Variants in CRACDL observed in about 807,000 individuals in gnomAD.
CRACDL encodes CRACD-like protein.
CRACDL carries 26 observed loss-of-function variants against 70.6 expected under a neutral mutation model. The ratio of observed to expected loss-of-function variants is 0.37; its 90% CI spans 0.27 to 0.51. CRACDL has a LOEUF of 0.51. Ranked by LOEUF, CRACDL falls within the 20% of genes least tolerant of loss-of-function variation. The probability of loss-of-function intolerance (pLI) is 0.94; values close to 1 mark genes in which losing one functional copy is unlikely to be tolerated. For missense variants in CRACDL, 1,283 were observed against 1,376.9 expected (o/e 0.93, Z 1.08); for synonymous variants, 618 against 615.2 (o/e 1.00, Z -0.07).
intron 7 of CRACDL, among the ~76,000 whole-genome samples, chr2:98,804,398 C>A (rs1704204158): frequency 6.6e-6 from 1 of 152,228 alleles, no homozygotes; most frequent in Non-Finnish European, 1.5e-5. Context: ...ATCCCAAAAT[C>A]AATATGCATG....
intron 1 of CRACDL, among the ~76,000 whole-genome samples, chr2:98,909,867 G>C (rs1173496606): frequency 5.9e-5 from 9 of 152,238 alleles, no homozygotes; most frequent in Non-Finnish European, 4.4e-5. Flanking sequence ...GGCCAGCAGA[G>C]TAGCTACGGA....
At chr2:98,868,356 T>C (rs1707224815) in intron 1 of CRACDL, among the ~76,000 whole-genome samples, 1 of 139,144 alleles carries the variant, frequency 7.2e-6, no homozygotes, top group Non-Finnish European at 1.6e-5. Context: ...GATATAACCA[T>C]CACCTGTACT....
intron 9 of CRACDL, among the ~76,000 whole-genome samples, chr2:98,795,040 A>AATATATAAAAATTTTTATAT (rs1329934418): frequency 3.6e-5 from 1 of 27,718 alleles, no homozygotes; most frequent in Non-Finnish European, 5.8e-5. Context: ...CATAATTAAA[A>AATATATAAAAATTTTTATAT]ATATATATAT....
chr2:98,817,360 T>A (rs1704826178), intron 7 of CRACDL, among the ~76,000 whole-genome samples: 1 of 152,198 alleles, frequency 6.6e-6, no homozygotes, highest in Non-Finnish European at 1.5e-5. Flanking sequence ...TGTTATGTGT[T>A]CATATCACAA....
intron 7 of CRACDL, among the ~76,000 whole-genome samples, chr2:98,818,288 G>A (rs1704873715): frequency 6.6e-6 from 1 of 152,210 alleles, no homozygotes; most frequent in Admixed American, 6.5e-5. Context: ...GTGAGGCTCA[G>A]CCCCTTTGGC....
At chr2:98,861,336 G>T (rs779336593) in intron 1 of CRACDL, among the ~76,000 whole-genome samples, 3 of 152,040 alleles carry the variant, frequency 2.0e-5, no homozygotes, top group Non-Finnish European at 2.9e-5. Context: ...GACAGAGCAG[G>T]TCTCAAAAAC....
chr2:98,843,184 T>C (rs72811087), intron 2 of CRACDL, among the ~76,000 whole-genome samples: 3 of 152,308 alleles, frequency 2.0e-5, no homozygotes, highest in Non-Finnish European at 4.4e-5. Flanking sequence ...TCTTTGCCAT[T>C]TTGTACATCT....
chr2:98,796,852 A>C (rs1703844304), intron 8 of CRACDL, among the ~76,000 whole-genome samples: 1 of 152,188 alleles, frequency 6.6e-6, no homozygotes, highest in Non-Finnish European at 1.5e-5. Flanking sequence ...TTCAGAGTAC[A>C]AAATGGAACC....
rs1381160418 is a variant in CRACDL at position 98,826,706 on chromosome 2, A to G, written c.735+269T>C. Among the ~76,000 whole-genome samples, 3 of 152,176 alleles carry G rather than the reference A, an allele frequency of 2.0e-5. 1 individual carries two copies. On this transcript the variant is annotated intron_variant, in intron 6 of 9. Coordinates refer to ENST00000397899, the MANE Select transcript of CRACDL (RefSeq NM_207362.3). ...GGACTTTCCTCTGAGTGCAGGGGGAAGGCAACCAGTATTCAGTAGTGAGTG... is the reference window on the plus strand; with the variant it reads ...GGACTTTCCTCTGAGTGCAGGGGGAGGGCAACCAGTATTCAGTAGTGAGTG...
chr2:98,837,986 C>T (rs919695960), intron 3 of CRACDL, 133 bp downstream of exon 3: 6 of 712,262 alleles, frequency 8.4e-6, no homozygotes, highest in Non-Finnish European at 1.3e-5. Flanking sequence ...AGACAGAAAA[C>T]ACAACTTCTA....
chr2:98,822,367 C>T lies in CRACDL; in HGVS notation c.1906G>A (p.Gly636Ser). 1.4e-6 allele frequency: 2 copies of T among 1,470,460 alleles called. No individual in the cohort carries two copies. The highest frequency in any genetic ancestry group is 8.9e-7 in the Non-Finnish European group (1 of 1,120,246). 91.1% of individuals were successfully genotyped at this position (1,470,460 alleles called of 1,614,324 possible). The change falls in exon 7 of 10, where the codon GGC (glycine) becomes AGC (serine). Residue 636 changes from glycine (G) to serine (S), a missense_variant. Gly to Ser is a moderately conservative substitution (Grantham distance 56). This residue lies in a region of CRACDL where 921 missense variants were observed against 881.9 expected (regional missense o/e 1.04). Coordinates refer to ENST00000397899, the MANE Select transcript of CRACDL (RefSeq NM_207362.3). The surrounding 1 kb of genome is among the most constrained non-coding windows in gnomAD (Gnocchi z 4.9). ...GCCCTGTCCCCCGAGTCCTGAGGGC[C>T]GCGCTCCGCCAGCTTCCGAGGGCCA... ...KPGPRKLAER[G>S]PQDSGDRAAS...
rs1237875349 is a variant in CRACDL, at chr2:98,881,869, G to C, written c.-10-35059C>G. Among the ~76,000 whole-genome samples the C allele has an allele frequency of 2.0e-5, 3 of 152,276 alleles. No individual in the cohort carries two copies. In the East Asian group the frequency reaches 5.8e-4, roughly 29 times the overall value. On this transcript the variant is annotated intron_variant, in intron 1 of 9. Transcript: ENST00000397899. ...TCTGAGAGGTGCCTCTTCCAACACA[G>C]GCTTAAGGCAGCCCAGGAAGACCCA...
At chr2:98,802,029 C>G (rs1474563079) in intron 7 of CRACDL, among the ~76,000 whole-genome samples, 1 of 152,254 alleles carries the variant, frequency 6.6e-6, no homozygotes, top group East Asian at 1.9e-4. Context: ...GCACCCCAGC[C>G]TCTTGCAGGG....
At chr2:98,816,023 G>A (rs1704769745) in intron 7 of CRACDL, among the ~76,000 whole-genome samples, 1 of 152,168 alleles carries the variant, frequency 6.6e-6, no homozygotes, top group Admixed American at 6.5e-5. Flanking sequence ...TGTCCAACAA[G>A]CTCTGTCCCA....
intron 1 of CRACDL, among the ~76,000 whole-genome samples, chr2:98,918,395 T>C (rs1427331389): frequency 2.6e-5 from 4 of 151,894 alleles, no homozygotes; most frequent in Non-Finnish European, 5.9e-5. Context: ...TAGCCAGACA[T>C]GGTGGTACAT....
At chr2:98,811,645 A>G (rs987925274) in intron 7 of CRACDL, among the ~76,000 whole-genome samples, 1 of 152,176 alleles carries the variant, frequency 6.6e-6, no homozygotes, top group African/African-American at 2.4e-5. Flanking sequence ...AACAGGATAC[A>G]GAATATCAAC....
chr2:98,918,734 T>C (rs1708729367), intron 1 of CRACDL, among the ~76,000 whole-genome samples: 1 of 152,160 alleles, frequency 6.6e-6, no homozygotes, highest in African/African-American at 2.4e-5. Flanking sequence ...TCGTGTGTCT[T>C]CTTTTGAAAA....
intron 1 of CRACDL, among the ~76,000 whole-genome samples, chr2:98,851,384 T>C (rs1040560561): frequency 5.3e-5 from 8 of 152,200 alleles, no homozygotes; most frequent in African/African-American, 1.9e-4. Flanking sequence ...TCTTTGAATA[T>C]CAATTCATTT....
chr2:98,827,270 A>T (rs370481976), intron 5 of CRACDL, 101 bp from the exon 6 acceptor site: 1 of 794,658 alleles, frequency 1.3e-6, no homozygotes, highest in Non-Finnish European at 2.1e-6. Flanking sequence ...CTGTCTTCCC[A>T]CACTGTCTCT....
Sources: gnomAD v4.1 joint callset for allele counts (sites outside exome capture counted in the v4.1 genomes callset) on GRCh38, gnomAD v4.1.1 for gene constraint, gnomAD v4.1.1 regional missense constraint, Gnocchi (gnomAD v3.1) non-coding constraint, MANE v1.5 for transcripts, NCBI Gene and HGNC (gene_info 2026-07-23, HGNC 2026-07-21) for gene names.